Variants in CCBE1 observed in about 807,000 individuals in gnomAD.
CCBE1 encodes collagen and calcium-binding EGF domain-containing protein 1.
CCBE1 carries 37 observed loss-of-function variants against 50.0 expected under a neutral mutation model. The ratio of observed to expected loss-of-function variants is 0.74; its 90% CI spans 0.57 to 0.97. The LOEUF (loss-of-function observed/expected upper bound fraction) is 0.97. Among genes scored for constraint, CCBE1 ranks in the 50% least tolerant of loss-of-function variants. CCBE1 has a pLI of 0.00. For synonymous variants in CCBE1, 234 were observed against 203.7 expected, an observed-to-expected ratio of 1.15 and a Z score of -1.27; for missense variants, 538 against 523.8, an observed-to-expected ratio of 1.03 and a Z score of -0.26.
chr18:59,635,426 A>G (rs1944995), intron 2 of CCBE1, among the ~76,000 whole-genome samples: 2 of 70,488 alleles, frequency 2.8e-5, no homozygotes, highest in Non-Finnish European at 2.8e-5. Flanking sequence ...TGAAATAAGG[A>G]AAAACAAGCA....
intron 2 of CCBE1, among the ~76,000 whole-genome samples, chr18:59,492,357 G>A (rs186749740): frequency 6.7e-4 from 102 of 151,852 alleles, no homozygotes; most frequent in African/African-American, 2.2e-3. Context: ...TATGGTAACC[G>A]AAATCCAAAT....
At chr18:59,677,743 C>G (rs2054525660) in intron 2 of CCBE1, among the ~76,000 whole-genome samples, 1 of 151,398 alleles carries the variant, frequency 6.6e-6, no homozygotes, top group African/African-American at 2.4e-5. Flanking sequence ...GGTGAGAAAC[C>G]AACTGGATTA....
chr18:59,583,233 C>T (rs1357199375), intron 2 of CCBE1, among the ~76,000 whole-genome samples: 1 of 151,474 alleles, frequency 6.6e-6, no homozygotes, highest in Non-Finnish European at 1.5e-5. Flanking sequence ...CTTACACTTT[C>T]AACTTTAATT....
intron 2 of CCBE1, among the ~76,000 whole-genome samples, chr18:59,548,288 T>C (rs915387416): frequency 6.6e-6 from 1 of 152,242 alleles, no homozygotes; most frequent in Non-Finnish European, 1.5e-5. Context: ...ACATTTGTAC[T>C]GACATGAAGA....
At chr18:59,658,357 ATATATATATATATATATATAT>A (rs2054229736) in intron 2 of CCBE1, among the ~76,000 whole-genome samples, 4 of 1,568 alleles carry the variant, frequency 2.6e-3, no homozygotes, top group Non-Finnish European at 4.0e-3. Context: ...AAAAAAAAAT[ATATATATATATATATATATAT>A]ATATATATAT....
At chr18:59,586,812 A>C (rs1288692345) in intron 2 of CCBE1, among the ~76,000 whole-genome samples, 1 of 152,208 alleles carries the variant, frequency 6.6e-6, no homozygotes, top group African/African-American at 2.4e-5. Flanking sequence ...CTTAATAGGA[A>C]ATCCAGTAAG....
chr18:59,551,934 A>T lies in CCBE1; in HGVS notation c.213-71696T>A, dbSNP rs1915943999. On this transcript the variant is annotated intron_variant, in intron 2 of 10. Transcript: ENST00000439986. The stretch of plus-strand genomic sequence containing the variant: ...CCCCAAAACTCAGTGGCTGAAAACC[A>T]GCACCCATTATTTGCTCATTGCACT... 2.0e-5 allele frequency among the ~76,000 whole-genome samples: 3 copies of T among 152,236 alleles called. 1 individual carries two copies. Among genetic ancestry groups the T allele is most frequent in the Admixed American group, 2.0e-4 (3 of 15,286 alleles).
chr18:59,628,826 C>T (rs542309140), intron 2 of CCBE1, among the ~76,000 whole-genome samples: 12 of 152,310 alleles, frequency 7.9e-5, no homozygotes, highest in African/African-American at 2.9e-4. Context: ...ACCTGCCTAG[C>T]TATAACCAAA....
intron 2 of CCBE1, among the ~76,000 whole-genome samples, chr18:59,646,068 G>A (rs561146815): frequency 6.6e-6 from 1 of 152,132 alleles, no homozygotes; most frequent in Non-Finnish European, 1.5e-5. Context: ...TCAAAAGGCA[G>A]CAGTTTAAAA....
rs954176935 is a variant in CCBE1 at position 59,448,796 on chromosome 18, G to C, written c.655-693C>G. Among the ~76,000 whole-genome samples, 3 of 152,208 alleles carry C rather than the reference G, an allele frequency of 2.0e-5. 1 individual carries two copies. The South Asian group carries it at 6.2e-4, about 32-fold the overall frequency. ...CAGAATTCAGTAGGGATGACTGTAA[G>C]AATCAAAATCTTGTGCAATCTGAAA... On this transcript the variant is annotated intron_variant, in intron 6 of 10. Coordinates refer to ENST00000439986, the MANE Select transcript of CCBE1 (RefSeq NM_133459.4).
Position 59,475,732 on chromosome 18 carries a change from T to A in CCBE1, c.265+4454A>T, listed in dbSNP as rs186827197. On this transcript the variant is annotated intron_variant, in intron 3 of 10. Transcript: ENST00000439986. ...ATATTTATTTATTATTTATTTATTTTTTTGAGATGGAGTCTCGTTCTGTCA... is the reference window on the plus strand; with the variant it reads ...ATATTTATTTATTATTTATTTATTTATTTGAGATGGAGTCTCGTTCTGTCA... Among the ~76,000 whole-genome samples, 11 of 152,296 alleles carry A rather than the reference T, an allele frequency of 7.2e-5. No homozygotes were observed. In the East Asian group the frequency reaches 2.1e-3, roughly 29 times the overall value.
rs1159765183 is a variant in CCBE1, at chr18:59,697,392, C to A, written c.-50G>T. The A allele has an allele frequency of 1.3e-6, 2 of 1,523,370 alleles. No homozygotes were observed. The highest frequency in any genetic ancestry group is 1.2e-5 in the South Asian group (1 of 82,738). 94.4% of individuals were successfully genotyped at this position (1,523,370 alleles called of 1,614,324 possible). A position where few individuals can be genotyped will look rare whatever the true frequency, so the allele number is the denominator to read the frequency against. On this transcript the variant is annotated 5_prime_UTR_variant, in exon 1 of 11. Transcript: ENST00000439986. ...AGCGCCGAGCTCCGTCCGGACCAAG[C>A]GTCCTGCTCCTCCGCGGCCGCCGCC... is the stretch of plus-strand genomic sequence containing the variant.
At chr18:59,471,347 G>A (rs1018681694) in intron 3 of CCBE1, among the ~76,000 whole-genome samples, 3 of 152,138 alleles carry the variant, frequency 2.0e-5, no homozygotes, top group Admixed American at 6.6e-5. Flanking sequence ...TTGACTTCCA[G>A]TAACAGAAGA....
chr18:59,555,397 G>T (rs1014561082), intron 2 of CCBE1, among the ~76,000 whole-genome samples: 2 of 152,180 alleles, frequency 1.3e-5, no homozygotes, highest in East Asian at 1.9e-4. Context: ...TCTTCCAGTT[G>T]TGTTTGTGAA....
At chr18:59,446,874 G>A (rs1301672434) in intron 7 of CCBE1, among the ~76,000 whole-genome samples, 1 of 152,152 alleles carries the variant, frequency 6.6e-6, no homozygotes, top group East Asian at 1.9e-4. Flanking sequence ...ATGTCAAGAG[G>A]TCATTCATAA....
At chr18:59,486,927 T>C (rs1406838646) in intron 2 of CCBE1, among the ~76,000 whole-genome samples, 1 of 151,792 alleles carries the variant, frequency 6.6e-6, no homozygotes, top group Non-Finnish European at 1.5e-5. Context: ...TCAGTGACAA[T>C]ATTAAGAGAA....
At chr18:59,614,072 C>A (rs2564477) in intron 2 of CCBE1, among the ~76,000 whole-genome samples, 19,816 of 152,034 alleles carry the variant, frequency 0.13, 1,669 homozygotes, top group African/African-American at 0.24. Flanking sequence ...GTAGTGCGAT[C>A]TCGTCTAACT....
At chr18:59,685,205 A>C (rs1160675567) in intron 2 of CCBE1, among the ~76,000 whole-genome samples, 1 of 152,194 alleles carries the variant, frequency 6.6e-6, no homozygotes, top group Non-Finnish European at 1.5e-5. Flanking sequence ...ACAATACAAA[A>C]TAAAGAGTGA....
At chr18:59,678,740 C>G (rs2054544225) in intron 2 of CCBE1, among the ~76,000 whole-genome samples, 1 of 152,124 alleles carries the variant, frequency 6.6e-6, no homozygotes. Context: ...GCCATGTTGG[C>G]CAGGCTGGTC....
Sources: gnomAD v4.1 joint callset for allele counts (sites outside exome capture counted in the v4.1 genomes callset) on GRCh38, gnomAD v4.1.1 for gene constraint, MANE v1.5 for transcripts, NCBI Gene and HGNC (gene_info 2026-07-23, HGNC 2026-07-21) for gene names.